The following SLC49A3 variants were observed in gnomAD, a reference collection of about 807,000 sequenced individuals.
The protein encoded by SLC49A3 is solute carrier family 49 member 3.
Under a neutral mutation model 43.8 loss-of-function variants are expected in SLC49A3, and 50 were observed. The ratio of observed to expected loss-of-function variants is 1.14; its 90% CI spans 0.91 to 1.45. The LOEUF (loss-of-function observed/expected upper bound fraction) is 1.45. Among genes scored for constraint, SLC49A3 ranks in the 40% most tolerant of loss-of-function variants. The pLI is 0.00. For synonymous variants in SLC49A3, 413 were observed against 352.0 expected (o/e 1.17, Z -1.94); for missense variants, 906 against 774.1 (o/e 1.17, Z -2.02).
At position 685,875 on chromosome 4, in the gene SLC49A3, G is replaced by A. The variant is rs1740904343; in HGVS notation, c.545C>T (p.Ser182Phe). The A allele has an allele frequency of 1.4e-5, 22 of 1,613,984 alleles. No homozygotes were observed. The highest frequency in any genetic ancestry group is 1.8e-5 in the Non-Finnish European group (21 of 1,180,024). The stretch of plus-strand genomic sequence containing the variant: ...CTCACCCTTCTTGACCAGCACAGGG[G>A]ACAGCACATTGGCCACAAGGACGCC... ...PLGVLVANVL[S>F]PVLVKKGEDI... is the part of the protein sequence containing the mutation. Residue 182 changes from serine to phenylalanine, a missense_variant, in exon 4 of 10, where the codon TCC (serine) becomes TTC (phenylalanine). Ser to Phe is a radical substitution (Grantham distance 155, BLOSUM62 -2). Coordinates refer to ENST00000322224, the MANE Select transcript of SLC49A3 (RefSeq NM_032219.4). The surrounding 1 kb of genome is among the most constrained non-coding windows in gnomAD (Gnocchi z 4.3).
downstream of SLC49A3, chr4:680,505 G>A (rs376380382): frequency 3.9e-5 from 63 of 1,613,288 alleles, no homozygotes; most frequent in Non-Finnish European, 5.0e-5. Context: ...TGCCTTTGTG[G>A]CAGGTACCGA....
rs575427264 is a variant in SLC49A3 at position 682,218 on chromosome 4, C to T, written c.1420G>A (p.Gly474Arg). Residue 474 changes from glycine to arginine, a missense_variant, in exon 10 of 10, where the codon GGG (glycine) becomes AGG (arginine). By Grantham distance (125) the Gly-to-Arg change is moderately radical (BLOSUM62 -2). Coordinates refer to ENST00000322224, the MANE Select transcript of SLC49A3 (RefSeq NM_032219.4). ...GADSGPGVDRGGAGRAGVLGP... is the reference protein window; with the variant it reads ...GADSGPGVDRRGAGRAGVLGP... ...AGGACCCCAGCCCTTCCTGCTCCCCCTCGGTCCACACCCGGCCCTGAGTCT... is the reference window on the plus strand; with the variant it reads ...AGGACCCCAGCCCTTCCTGCTCCCCTTCGGTCCACACCCGGCCCTGAGTCT... 139 of 1,382,974 alleles carry T rather than the reference C, an allele frequency of 1.0e-4. No homozygotes were observed. The Admixed American group carries it at 1.1e-3, about 11-fold the overall frequency. The allele number at this position is 1,382,974 out of a possible 1,614,324, so 85.7% of individuals were successfully genotyped here. A position where few individuals can be genotyped will look rare whatever the true frequency, so the allele number is the denominator to read the frequency against.
chr4:678,473 G>A (rs2109332381), downstream of SLC49A3: 1 of 1,433,648 alleles, frequency 7.0e-7, no homozygotes, highest in Non-Finnish European at 9.1e-7. Context: ...GACACCTGCA[G>A]CCGTCCTGCC....
downstream of SLC49A3, chr4:681,722 C>G (rs1284087986): frequency 7.7e-5 from 19 of 245,340 alleles, no homozygotes; most frequent in South Asian, 4.1e-4. Flanking sequence ...CCAGCGCCGC[C>G]CCGCCCCCTC....
Position 684,825 on chromosome 4 carries a change from A to T in SLC49A3, c.617T>A (p.Val206Asp), listed in dbSNP as rs780284414. ...LGVYTIPAGV[V>D]CLLSTICLWE... ...CAGGCAGATGGTGGACAGCAGGCAG[A>T]CGACGCCAGCAGGGATGGTATAGAC... Residue 206 changes from valine (V) to aspartate (D), a missense_variant, in exon 5 of 10, where the codon GTC becomes GAC. Coordinates refer to ENST00000322224, the MANE Select transcript of SLC49A3 (RefSeq NM_032219.4). 2.5e-6 allele frequency: 4 copies of T among 1,612,342 alleles called. No individual in the cohort carries two copies. In the Admixed American group the frequency reaches 5.0e-5, roughly 20 times the overall value.
downstream of SLC49A3, chr4:678,310 T>A (rs1455107785): frequency 1.1e-5 from 16 of 1,429,036 alleles, no homozygotes; most frequent in Non-Finnish European, 1.5e-5. Flanking sequence ...TTTCACAAAA[T>A]CCCGGTACCC....
intron 1 of SLC49A3, chr4:687,397 G>C (rs990261257): frequency 4.6e-5 from 7 of 152,384 alleles, no homozygotes; most frequent in African/African-American, 1.7e-4. Flanking sequence ...GCTCCGCCCG[G>C]ACAAGGTCTG....
At chr4:684,896 T>G in intron 4 of SLC49A3, 40 bp from the exon 5 acceptor site, 1 of 1,594,162 alleles carries the variant, frequency 6.3e-7, no homozygotes, top group Non-Finnish European at 8.5e-7. Flanking sequence ...CCACGCAGAC[T>G]GGCACCCACA....
downstream of SLC49A3, chr4:681,721 C>T (rs1480357344): frequency 4.5e-6 from 1 of 222,966 alleles, no homozygotes; most frequent in East Asian, 1.2e-4. Context: ...TCCAGCGCCG[C>T]CCCGCCCCCT....
At chr4:684,878 C>G in intron 4 of SLC49A3, 22 bp from the exon 5 acceptor site, 1 of 1,606,272 alleles carries the variant, frequency 6.2e-7, no homozygotes, top group Admixed American at 1.7e-5. Flanking sequence ...TGTGTGTGCA[C>G]AAGGAGACCA....
upstream of SLC49A3, among the ~76,000 whole-genome samples, chr4:689,833 A>C (rs933894537): frequency 6.6e-6 from 1 of 152,246 alleles, no homozygotes; most frequent in Non-Finnish European, 1.5e-5. Context: ...TGTGTGTTGG[A>C]AGGCAGAGGA....
At chr4:684,425 C>T in intron 6 of SLC49A3, 58 bp downstream of exon 6, 1 of 1,600,718 alleles carries the variant, frequency 6.2e-7, no homozygotes, top group Non-Finnish European at 8.5e-7. Flanking sequence ...GCGGTGACTC[C>T]ATGGCCATAT....
chr4:683,881 C>T (rs750189699), intron 6 of SLC49A3, 120 bp from the exon 7 acceptor site: 2 of 1,283,130 alleles, frequency 1.6e-6, no homozygotes, highest in Non-Finnish European at 2.1e-6. Flanking sequence ...GGCATAGCAA[C>T]ACAGCTTCCA....
chr4:679,036 A>T (rs750490183), downstream of SLC49A3: 1 of 1,613,288 alleles, frequency 6.2e-7, no homozygotes, highest in Non-Finnish European at 8.5e-7. Flanking sequence ...CTCCCTGGGT[A>T]GGTACCCAGG....
chr4:681,106 T>C (rs1739441142), downstream of SLC49A3: 2 of 1,605,728 alleles, frequency 1.2e-6, no homozygotes, highest in Non-Finnish European at 1.7e-6. Context: ...AAGCGTCTGC[T>C]GATGTCCCAG....
At chr4:681,254 A>G, downstream of SLC49A3, 1 of 1,286,230 alleles carries the variant, frequency 7.8e-7, no homozygotes, top group Non-Finnish European at 1.1e-6. Context: ...AGGACCCAGG[A>G]CAGAACAGGC....
At chr4:676,862 C>T, downstream of SLC49A3, 1 of 985,032 alleles carries the variant, frequency 1.0e-6, no homozygotes, top group Non-Finnish European at 1.2e-6. Flanking sequence ...GCAGGTCATG[C>T]CTCCAGGGTC....
chr4:682,432 C>T (rs557156978), intron 9 of SLC49A3, 56 bp from the exon 10 acceptor site: 10 of 1,310,358 alleles, frequency 7.6e-6, no homozygotes, highest in Non-Finnish European at 8.8e-6. Flanking sequence ...CACAGATGGG[C>T]AGAGCCCAAT....
chr4:686,571 C>T lies in SLC49A3; in HGVS notation c.255G>A (p.Ala85=), dbSNP rs753895700. The change falls in exon 2 of 10, where the codon GCG becomes GCA. Residue 85 remains alanine (A), a synonymous_variant. Coordinates refer to ENST00000322224, the MANE Select transcript of SLC49A3 (RefSeq NM_032219.4). ...CGACGGAGTCCAGGATCCAGATGGC[C>T]GCCACGCCAAATGGGGTGGATACCA... ...YLVVSTPFGV[A]AIWILDSVGL... 46 of 1,613,146 alleles carry T rather than the reference C, an allele frequency of 2.9e-5. No homozygotes were observed. The highest frequency in any genetic ancestry group is 3.3e-4 in the Middle Eastern group (2 of 6,062).
Sources: gnomAD v4.1 joint callset for allele counts (sites outside exome capture counted in the v4.1 genomes callset) on GRCh38, gnomAD v4.1.1 for gene constraint, Gnocchi (gnomAD v3.1) non-coding constraint, MANE v1.5 for transcripts, NCBI Gene and HGNC (gene_info 2026-07-23, HGNC 2026-07-21) for gene names.